ASAP1: variants seen among roughly 807,000 people sequenced by gnomAD.
ASAP1 encodes the protein arf-GAP with SH3 domain, ANK repeat and PH domain-containing protein 1.
In ASAP1, 43 loss-of-function variants were observed where a neutral mutation model predicts 145.2. The ratio of observed to expected loss-of-function variants is 0.30; its 90% CI spans 0.23 to 0.38. The LOEUF is 0.38. Among genes scored for constraint, ASAP1 ranks in the 10% least tolerant of loss-of-function variants. ASAP1 has a pLI of 1.00. For synonymous variants in ASAP1, 546 were observed against 515.5 expected (o/e 1.06, Z -0.80); for missense variants, 1,018 against 1,355.3 (o/e 0.75, Z 3.91).
chr8:130,074,376 G>C (rs1168071884), intron 27 of ASAP1, among the ~76,000 whole-genome samples: 1 of 151,346 alleles, frequency 6.6e-6, no homozygotes, highest in Non-Finnish European at 1.5e-5. Flanking sequence ...GAGGCTGCAG[G>C]ATACTATTCT....
intron 24 of ASAP1, among the ~76,000 whole-genome samples, chr8:130,104,960 T>C (rs1398532594): frequency 3.3e-5 from 5 of 152,172 alleles, no homozygotes; most frequent in Admixed American, 2.0e-4. Flanking sequence ...AGCTGCCACA[T>C]AGGAAGGGTA....
intron 15 of ASAP1, among the ~76,000 whole-genome samples, chr8:130,133,015 AG>A (rs1437610220): frequency 6.6e-6 from 1 of 152,202 alleles, no homozygotes; most frequent in Non-Finnish European, 1.5e-5. Flanking sequence ...TAAGGCAAAA[AG>A]GGTATGAGCA....
chr8:130,351,390 C>T (rs2138052407), intron 3 of ASAP1, among the ~76,000 whole-genome samples: 1 of 152,104 alleles, frequency 6.6e-6, no homozygotes, highest in East Asian at 1.9e-4. Flanking sequence ...CTAGAATAAG[C>T]TTTTATTAGA....
chr8:130,060,499 T>G, intron 28 of ASAP1, 80 bp downstream of exon 28: 1 of 1,503,450 alleles, frequency 6.7e-7, no homozygotes, highest in Non-Finnish European at 8.9e-7. Flanking sequence ...TTTTCTTGTG[T>G]AAGTTGGAGC....
chr8:130,095,108 C>T (rs760040449), intron 24 of ASAP1, among the ~76,000 whole-genome samples: 7 of 152,106 alleles, frequency 4.6e-5, no homozygotes, highest in Non-Finnish European at 1.0e-4. Context: ...TTATATACTT[C>T]TGACTTCCTT....
intron 5 of ASAP1, among the ~76,000 whole-genome samples, chr8:130,212,116 G>A (rs1453536868): frequency 1.3e-5 from 2 of 152,170 alleles, no homozygotes; most frequent in African/African-American, 4.8e-5. Flanking sequence ...AGCATAAAAA[G>A]GGAAGCAGAA....
intron 5 of ASAP1, among the ~76,000 whole-genome samples, chr8:130,201,572 T>C (rs570314874): frequency 6.6e-6 from 1 of 152,234 alleles, no homozygotes; most frequent in East Asian, 1.9e-4. Flanking sequence ...GTGCATTATC[T>C]GCAGCATCTG....
chr8:130,112,075 C>G lies in ASAP1; in HGVS notation c.2401+19G>C. 6.2e-7 allele frequency: 1 copy of G among 1,603,370 alleles called. No homozygotes were observed. The highest frequency in any genetic ancestry group is 8.5e-7 in the Non-Finnish European group (1 of 1,170,702). On this transcript the variant is annotated intron_variant, in intron 24 of 29. Coordinates refer to ENST00000518721, the MANE Select transcript of ASAP1 (RefSeq NM_018482.4). ...AGCCCTTCGAGGATGGAGTCACAAG[C>G]CCTTCTCAAAGCCCATACCTTTCCC...
intron 3 of ASAP1, among the ~76,000 whole-genome samples, chr8:130,259,897 A>T (rs1457323182): frequency 6.6e-6 from 1 of 152,230 alleles, no homozygotes; most frequent in Non-Finnish European, 1.5e-5. Context: ...AGGCTTTCAA[A>T]TTAAGTGCAT....
At chr8:130,160,765 C>T in intron 11 of ASAP1, 14 of 1,271,720 alleles carry the variant, frequency 1.1e-5, no homozygotes, top group Non-Finnish European at 1.4e-5. Flanking sequence ...AATATATTCT[C>T]ATAAAAAGTA....
intron 2 of ASAP1, among the ~76,000 whole-genome samples, chr8:130,401,681 T>C (rs941736943): frequency 3.3e-5 from 5 of 152,140 alleles, no homozygotes; most frequent in African/African-American, 9.7e-5. Flanking sequence ...ATAAAGGCAA[T>C]GGATAATGTG....
intron 3 of ASAP1, among the ~76,000 whole-genome samples, chr8:130,329,222 CTAAA>C (rs1238476501): frequency 6.6e-6 from 1 of 152,188 alleles, no homozygotes; most frequent in Admixed American, 6.5e-5. Flanking sequence ...AGCCACTTAA[CTAAA>C]TAAGTTTTCC....
chr8:130,332,695 G>C (rs988204356), intron 3 of ASAP1, among the ~76,000 whole-genome samples: 2 of 152,112 alleles, frequency 1.3e-5, no homozygotes, highest in Non-Finnish European at 2.9e-5. Context: ...GTTAATCTCA[G>C]CCTGATTTTC....
At chr8:130,357,024 G>A (rs1042308969) in intron 3 of ASAP1, among the ~76,000 whole-genome samples, 1 of 152,148 alleles carries the variant, frequency 6.6e-6, no homozygotes, top group African/African-American at 2.4e-5. Context: ...TGTTTGAAGG[G>A]GAGGGATGCT....
At chr8:130,283,260 G>GAAACAAAC (rs570711863) in intron 3 of ASAP1, among the ~76,000 whole-genome samples, 1 of 151,330 alleles carries the variant, frequency 6.6e-6, no homozygotes, top group African/African-American at 2.4e-5. Context: ...AGGATGCCAG[G>GAAACAAAC]AAACAAACAA....
intron 25 of ASAP1, among the ~76,000 whole-genome samples, chr8:130,091,696 C>A (rs2097505758): frequency 6.6e-6 from 1 of 152,298 alleles, no homozygotes; most frequent in Admixed American, 6.5e-5. Context: ...TATATATAAA[C>A]GAGACTAATA....
intron 4 of ASAP1, among the ~76,000 whole-genome samples, chr8:130,232,677 A>C (rs1325081777): frequency 6.6e-6 from 1 of 152,144 alleles, no homozygotes; most frequent in Non-Finnish European, 1.5e-5. Flanking sequence ...AGTACTGATA[A>C]AAGTTTATGT....
At chr8:130,233,248 C>A (rs1818016666) in intron 4 of ASAP1, among the ~76,000 whole-genome samples, 2 of 152,114 alleles carry the variant, frequency 1.3e-5, no homozygotes, top group Admixed American at 6.6e-5. Context: ...TTTGATGGAT[C>A]CATTCATGAA....
chr8:130,216,110 AAGT>A (rs1565099177), intron 4 of ASAP1, among the ~76,000 whole-genome samples: 1 of 152,166 alleles, frequency 6.6e-6, no homozygotes, highest in Non-Finnish European at 1.5e-5. Flanking sequence ...TTACCTGAAA[AAGT>A]AGAAAATTCT....
Sources: gnomAD v4.1 joint callset for allele counts (sites outside exome capture counted in the v4.1 genomes callset) on GRCh38, gnomAD v4.1.1 for gene constraint, MANE v1.5 for transcripts, NCBI Gene and HGNC (gene_info 2026-07-23, HGNC 2026-07-21) for gene names.